Variants in NME8 observed in about 807,000 individuals in gnomAD.
The protein encoded by NME8 is NME/NM23 family member 8.
A neutral mutation model predicts 82.3 loss-of-function variants in NME8; 72 were observed. The ratio of observed to expected loss-of-function variants is 0.87; its 90% CI spans 0.72 to 1.06. NME8 has a LOEUF of 1.06. NME8 is among the 50% of genes least tolerant of loss of function. The pLI is 0.00. For synonymous variants in NME8, 267 were observed against 228.5 expected, an observed-to-expected ratio of 1.17 and a Z score of -1.52; for missense variants, 712 against 685.4, an observed-to-expected ratio of 1.04 and a Z score of -0.43.
chr7:37,895,486 G>T (rs1157695132), intron 16 of NME8, among the ~76,000 whole-genome samples: 2 of 152,148 alleles, frequency 1.3e-5, no homozygotes, highest in Non-Finnish European at 2.9e-5. Context: ...GTTTCGCTGG[G>T]TCCTGAACCC....
chr7:37,863,083 G>A (rs919288257), intron 7 of NME8, among the ~76,000 whole-genome samples: 1 of 152,026 alleles, frequency 6.6e-6, no homozygotes, highest in African/African-American at 2.4e-5. Context: ...TAGCACCACT[G>A]CACTCCAGCC....
chr7:37,855,584 T>C (rs1784498819), intron 5 of NME8, among the ~76,000 whole-genome samples: 1 of 152,172 alleles, frequency 6.6e-6, no homozygotes, highest in South Asian at 2.1e-4. Context: ...CTTTTCTCCT[T>C]AATTATTTTC....
chr7:37,851,260 A>G lies in NME8; in HGVS notation c.198+525A>G, dbSNP rs181909064. Among the ~76,000 whole-genome samples, 11 of 152,360 alleles carry G rather than the reference A, an allele frequency of 7.2e-5. No homozygotes were observed. The East Asian group carries it at 2.1e-3, about 29-fold the overall frequency. ...CAACTAATTAGAATTTCGTTGTCCA[A>G]CATGGTAGCTACTAGGCATAAGTGA... On this transcript the variant is annotated intron_variant, in intron 5 of 17. Transcript: ENST00000199447.
chr7:37,879,430 G>A (rs767911097), intron 12 of NME8, among the ~76,000 whole-genome samples: 31 of 152,236 alleles, frequency 2.0e-4, no homozygotes, highest in Admixed American at 2.6e-4. Context: ...ACAGGTGTGA[G>A]CCACCACACC....
At chr7:37,873,370 A>AAAAAAAAAAAAG (rs796807809) in intron 11 of NME8, among the ~76,000 whole-genome samples, 1 of 147,100 alleles carries the variant, frequency 6.8e-6, no homozygotes, top group Non-Finnish European at 1.5e-5. Flanking sequence ...AAAAAAAAAA[A>AAAAAAAAAAAAG]AAAAGAAAAG....
rs773420778 is a variant in NME8, at chr7:37,885,252, G to A, written c.1247G>A (p.Ser416Asn). Residue 416 changes from serine (S) to asparagine (N), a missense_variant and splice_region_variant, in exon 14 of 18, where the codon AGT (serine) becomes AAT (asparagine). Transcript: ENST00000199447. ...GAAGCCATTGAATATTTTCCAGAGA[G>A]GTAGGATTCATACCATGGGTCACTA... The part of the protein sequence containing the change: ...VEEAIEYFPE[S>N]LCAQFAMDSL... 1.6e-5 allele frequency: 26 copies of A among 1,592,932 alleles called. No homozygotes were observed. The highest frequency in any genetic ancestry group is 2.2e-5 in the Non-Finnish European group (26 of 1,161,218).
rs1785021970 is a variant in NME8, at chr7:37,885,172, G to C, written c.1167G>C (p.Leu389Phe). ...TSGPSLALVL[L>F]RDNGLQYWKQ... ...GTCCATCTCTAGCCCTTGTTTTATTGAGAGACAATGGCTTGCAATACTGGA... is the reference window on the plus strand; with the variant it reads ...GTCCATCTCTAGCCCTTGTTTTATTCAGAGACAATGGCTTGCAATACTGGA... The change falls in exon 14 of 18, where the codon TTG becomes TTC. Residue 389 changes from leucine to phenylalanine, a missense_variant. Coordinates refer to ENST00000199447, the MANE Select transcript of NME8 (RefSeq NM_016616.5). The C allele has an allele frequency of 1.2e-6, 2 of 1,612,546 alleles. No individual in the cohort carries two copies. Among genetic ancestry groups the C allele is most frequent in the Admixed American group, 1.7e-5 (1 of 59,950 alleles).
chr7:37,871,642 T>C (rs1562833958), intron 11 of NME8, among the ~76,000 whole-genome samples: 1 of 152,152 alleles, frequency 6.6e-6, no homozygotes, highest in African/African-American at 2.4e-5. Flanking sequence ...AATTAGATGA[T>C]GACCTCTGAG....
intron 11 of NME8, among the ~76,000 whole-genome samples, chr7:37,869,052 G>A (rs567253918): frequency 5.8e-4 from 89 of 152,186 alleles, no homozygotes; most frequent in Non-Finnish European, 7.5e-4. Flanking sequence ...GTGTCTCCCC[G>A]TGCTTGGCAG....
Position 37,885,245 on chromosome 7 carries a change from C to A in NME8, c.1240C>A (p.Pro414Thr). Residue 414 changes from proline (P) to threonine (T), a missense_variant, in exon 14 of 18, where the codon CCA becomes ACA. Physicochemically the swap from Pro to Thr is conservative, Grantham distance 38. Coordinates refer to ENST00000199447, the MANE Select transcript of NME8 (RefSeq NM_016616.5). ...TGTTGAAGAAGCCATTGAATATTTT[C>A]CAGAGAGGTAGGATTCATACCATGG... Reference protein sequence around the residue: ...RTVEEAIEYFPESLCAQFAMD... With the variant: ...RTVEEAIEYFTESLCAQFAMD... The A allele has an allele frequency of 6.2e-7, 1 of 1,604,622 alleles. No homozygotes were observed. The highest frequency in any genetic ancestry group is 8.5e-7 in the Non-Finnish European group (1 of 1,171,716).
chr7:37,855,372 A>G (rs59301349), intron 5 of NME8, among the ~76,000 whole-genome samples: 23,740 of 152,160 alleles, frequency 0.16, 1,927 homozygotes, highest in South Asian at 0.18. Context: ...GGGGGTTAGC[A>G]GTTTTATTGA....
At chr7:37,863,013 G>A (rs1468543735) in intron 7 of NME8, among the ~76,000 whole-genome samples, 2 of 151,884 alleles carry the variant, frequency 1.3e-5, no homozygotes, top group Non-Finnish European at 2.9e-5. Context: ...CCAGCTATTC[G>A]GGAGACTGAG....
intron 5 of NME8, among the ~76,000 whole-genome samples, chr7:37,855,947 A>AT (rs1784505779): frequency 6.6e-6 from 1 of 152,170 alleles, no homozygotes; most frequent in Non-Finnish European, 1.5e-5. Context: ...TAAAAAAAAA[A>AT]ACCCAATTAC....
At chr7:37,867,050 C>G (rs1784693847) in intron 10 of NME8, among the ~76,000 whole-genome samples, 1 of 152,104 alleles carries the variant, frequency 6.6e-6, no homozygotes, top group Admixed American at 6.6e-5. Flanking sequence ...CTTAGTCTTG[C>G]TTAGTGAATC....
intron 8 of NME8, 57 bp downstream of exon 8, chr7:37,863,519 C>A: frequency 1.1e-6 from 1 of 918,904 alleles, no homozygotes; most frequent in Non-Finnish European, 1.8e-6. Context: ...GCGGTCATCA[C>A]AGCATCACTT....
chr7:37,863,173 T>G (rs1583629950), intron 7 of NME8, among the ~76,000 whole-genome samples: 1 of 152,172 alleles, frequency 6.6e-6, no homozygotes, highest in East Asian at 1.9e-4. Context: ...CTTTTCATAC[T>G]GCACATATGC....
chr7:37,882,599 GAGAGAGAGAGAGAGAGAAAGAA>G (rs1784972771), intron 12 of NME8, among the ~76,000 whole-genome samples: 1 of 39,786 alleles, frequency 2.5e-5, no homozygotes. Flanking sequence ...AAGAAAGAAA[GAGAGAGAGAGAGAGAGAAAGAA>G]AGAAAGAAAG....
At chr7:37,885,623 G>T (rs902690210) in intron 14 of NME8, among the ~76,000 whole-genome samples, 1 of 152,106 alleles carries the variant, frequency 6.6e-6, no homozygotes, top group Non-Finnish European at 1.5e-5. Context: ...TTAAGACAAT[G>T]ATGACTAATT....
chr7:37,894,814 C>T (rs1049858996), intron 16 of NME8, among the ~76,000 whole-genome samples: 8 of 151,908 alleles, frequency 5.3e-5, no homozygotes, highest in East Asian at 1.9e-4. Flanking sequence ...TGTCTCTCCT[C>T]GCTCCCTTTC....
Sources: allele counts gnomAD v4.1 joint callset (sites outside exome capture counted in the v4.1 genomes callset), GRCh38; gene constraint gnomAD v4.1.1; transcripts MANE v1.5; gene names NCBI Gene and HGNC (gene_info 2026-07-23, HGNC 2026-07-21).